The following MROH9 variants were observed in gnomAD, a reference collection of about 807,000 sequenced individuals.
MROH9 encodes the protein maestro heat like repeat family member 9, also known as maestro heat-like repeat-containing protein family member 9.
Under a neutral mutation model 98.2 loss-of-function variants are expected in MROH9, and 92 were observed. That is an observed-to-expected ratio of 0.94 (90% CI 0.79 to 1.11). The LOEUF is 1.11. Among genes scored for constraint, MROH9 ranks in the 50% most tolerant of loss-of-function variants. The pLI is 0.00. For missense variants in MROH9, 1,057 were observed against 1,014.8 expected, an observed-to-expected ratio of 1.04 and a Z score of -0.57; for synonymous variants, 397 against 368.9, an observed-to-expected ratio of 1.08 and a Z score of -0.87.
chr1:171,058,019 A>C (rs1653900170), intron 20 of MROH9, among the ~76,000 whole-genome samples: 1 of 152,198 alleles, frequency 6.6e-6, no homozygotes, highest in African/African-American at 2.4e-5. Context: ...CAAATAAAGC[A>C]TATTCAAATA....
At chr1:171,014,963 C>A (rs1652279430) in intron 16 of MROH9, 1 of 471,524 alleles carries the variant, frequency 2.1e-6, no homozygotes, top group Non-Finnish European at 4.4e-6. Flanking sequence ...GAACAACAAT[C>A]TTACACTGTT....
chr1:171,061,742 C>T (rs764015806), intron 20 of MROH9, among the ~76,000 whole-genome samples: 13 of 152,120 alleles, frequency 8.5e-5, no homozygotes, highest in Admixed American at 4.6e-4. Context: ...CATGAAAGAA[C>T]ATGGTTGAAT....
chr1:171,019,300 G>T (rs1571507186), intron 17 of MROH9, among the ~76,000 whole-genome samples: 1 of 152,158 alleles, frequency 6.6e-6, no homozygotes, highest in East Asian at 1.9e-4. Flanking sequence ...AGAATCTGTG[G>T]GACACAGCTA....
At position 171,062,144 on chromosome 1, in the gene MROH9, A is replaced by G. The variant is rs1157780558; in HGVS notation, c.2294A>G (p.Lys765Arg). The stretch of plus-strand genomic sequence containing the variant: ...ATTATGTGCATAGGATATTTGGCAA[A>G]ATCAGGTGGTCATTTACTGCTTAGA... ...ASVILIGYLA[K>R]SGGHLLLRDE... Residue 765 changes from lysine to arginine, a missense_variant, in exon 21 of 22, where the codon AAA becomes AGA. By Grantham distance (26) the Lys-to-Arg change is conservative (BLOSUM62 2). Coordinates refer to ENST00000367759, the MANE Select transcript of MROH9 (RefSeq NM_001163629.2). 1.3e-6 allele frequency: 2 copies of G among 1,548,716 alleles called. No individual in the cohort carries two copies. Among genetic ancestry groups the G allele is most frequent in the Non-Finnish European group, 1.7e-6 (2 of 1,144,570 alleles).
rs562860081 is a variant in MROH9 at position 171,059,586 on chromosome 1, A to G, written c.2282-2546A>G. ...ATCATTCTCATATAAAGACACATGC[A>G]CACCTATGTCTATTGCAGCATTGTA... is the stretch of plus-strand genomic sequence containing the variant. On this transcript the variant is annotated intron_variant, in intron 20 of 21. Coordinates refer to ENST00000367759, the MANE Select transcript of MROH9 (RefSeq NM_001163629.2). 3.9e-5 allele frequency among the ~76,000 whole-genome samples: 6 copies of G among 152,352 alleles called. No homozygotes were observed. The South Asian group carries it at 1.2e-3, about 32-fold the overall frequency.
chr1:171,049,995 A>T (rs1249994196), intron 20 of MROH9, among the ~76,000 whole-genome samples: 1 of 151,956 alleles, frequency 6.6e-6, no homozygotes, highest in African/African-American at 2.4e-5. Flanking sequence ...TTTCTTTCTT[A>T]TTGAGTTGTT....
At chr1:170,970,012 C>A (rs1285476020) in intron 7 of MROH9, among the ~76,000 whole-genome samples, 7 of 152,106 alleles carry the variant, frequency 4.6e-5, no homozygotes, top group Non-Finnish European at 1.0e-4. Context: ...CCTAAACATG[C>A]CTTTTTAGTT....
chr1:171,012,715 G>T lies in MROH9; in HGVS notation c.1597-1402G>T, dbSNP rs149977863. Among the ~76,000 whole-genome samples, 603 of 152,112 alleles carry T rather than the reference G, an allele frequency of 4.0e-3. 8 individuals are homozygous for T. The highest frequency in any genetic ancestry group is 0.014 in the African/African-American group (565 of 41,488). On this transcript the variant is annotated intron_variant, in intron 15 of 21. Transcript: ENST00000367759. ...AGACGGGGTTTCACCATGTTATCCA[G>T]GATGGTCTCGATCTTCTGACATCAT...
chr1:170,947,141 T>G (rs1355026828), intron 2 of MROH9, among the ~76,000 whole-genome samples: 1 of 151,986 alleles, frequency 6.6e-6, no homozygotes, highest in Non-Finnish European at 1.5e-5. Flanking sequence ...GCCATTTTAT[T>G]TAAAAATGTT....
At chr1:171,013,260 T>C (rs1273441421) in intron 15 of MROH9, among the ~76,000 whole-genome samples, 2 of 152,196 alleles carry the variant, frequency 1.3e-5, no homozygotes, top group Non-Finnish European at 2.9e-5. Context: ...GTCTATAGCC[T>C]GTTTGGAACA....
intron 15 of MROH9, among the ~76,000 whole-genome samples, chr1:171,009,430 T>C (rs1373760765): frequency 1.3e-5 from 2 of 152,188 alleles, no homozygotes. Flanking sequence ...TGGTATTGTA[T>C]ATTGATATTA....
chr1:170,978,582 TCCTTCC>T (rs1445491305), intron 8 of MROH9, among the ~76,000 whole-genome samples: 1 of 152,122 alleles, frequency 6.6e-6, no homozygotes, highest in East Asian at 1.9e-4. Context: ...GGCCCTTTGT[TCCTTCC>T]CCTAGCCCAA....
In MROH9 at chr1:171,064,392, T is replaced by A; in HGVS notation, c.*52T>A. ...TCATAAACAATGGGAAGTCCAACAA[T>A]GTCTTGGAGCTGACCTTAGAAGAAG... is the stretch of plus-strand genomic sequence containing the variant. On this transcript the variant is annotated 3_prime_UTR_variant, in exon 22 of 22. Coordinates refer to ENST00000367759, the MANE Select transcript of MROH9 (RefSeq NM_001163629.2). 6.8e-7 allele frequency: 1 copy of A among 1,466,512 alleles called. No individual in the cohort carries two copies. 90.8% of individuals were successfully genotyped at this position (1,466,512 alleles called of 1,614,324 possible). A position where few individuals can be genotyped will look rare whatever the true frequency, so the allele number is the denominator to read the frequency against.
chr1:171,040,592 T>C (rs920947099), intron 20 of MROH9, among the ~76,000 whole-genome samples: 4 of 152,102 alleles, frequency 2.6e-5, no homozygotes, highest in African/African-American at 9.7e-5. Flanking sequence ...ATAGATAATC[T>C]TGCATTTAAA....
At chr1:170,986,420 A>T in intron 9 of MROH9, 141 bp from the exon 10 acceptor site, 1 of 622,448 alleles carries the variant, frequency 1.6e-6, no homozygotes, top group Non-Finnish European at 2.6e-6. Flanking sequence ...TGGAAGAGAG[A>T]GACTCCAACA....
intron 21 of MROH9, among the ~76,000 whole-genome samples, chr1:171,063,414 G>A (rs1473820641): frequency 2.0e-5 from 3 of 151,732 alleles, no homozygotes; most frequent in African/African-American, 7.3e-5. Context: ...CACCATGCCC[G>A]GCTAATTTTT....
At chr1:170,973,824 G>A (rs1650576236) in intron 8 of MROH9, among the ~76,000 whole-genome samples, 1 of 152,164 alleles carries the variant, frequency 6.6e-6, no homozygotes, top group African/African-American at 2.4e-5. Flanking sequence ...GCAGTGAGCT[G>A]GTATCGTGCC....
At chr1:170,950,212 T>C (rs920510208) in intron 3 of MROH9, among the ~76,000 whole-genome samples, 1 of 152,068 alleles carries the variant, frequency 6.6e-6, no homozygotes, top group Non-Finnish European at 1.5e-5. Flanking sequence ...CCAAAATCCT[T>C]GCCTGCTCTG....
chr1:170,974,399 A>G (rs925916961), intron 8 of MROH9, among the ~76,000 whole-genome samples: 36 of 152,140 alleles, frequency 2.4e-4, no homozygotes, highest in Admixed American at 4.6e-4. Context: ...AAAGAAAAAA[A>G]TCTTAAAAGG....
Sources: gnomAD v4.1 joint callset for allele counts (sites outside exome capture counted in the v4.1 genomes callset) on GRCh38, gnomAD v4.1.1 for gene constraint, MANE v1.5 for transcripts, NCBI Gene and HGNC (gene_info 2026-07-23, HGNC 2026-07-21) for gene names.